Variants in ERC1 observed in about 807,000 individuals in gnomAD.
ERC1 encodes RAB6 interacting protein 2.
Under a neutral mutation model 132.0 loss-of-function variants are expected in ERC1, and 56 were observed. The observed-to-expected ratio is 0.42, with a 90% CI of 0.34 to 0.53. ERC1 has a LOEUF of 0.53. Among genes scored for constraint, ERC1 ranks in the 20% least tolerant of loss-of-function variants. ERC1 has a pLI of 0.03. For missense variants in ERC1, 1,202 were observed against 1,349.9 expected (o/e 0.89, Z 1.72); for synonymous variants, 478 against 476.1 (o/e 1.00, Z -0.05).
At chr12:1,410,838 A>G (rs1401012643) in intron 17 of ERC1, among the ~76,000 whole-genome samples, 1 of 152,022 alleles carries the variant, frequency 6.6e-6, no homozygotes, top group Non-Finnish European at 1.5e-5. Context: ...TAGAAAATTG[A>G]TCAAGTACTT....
intron 15 of ERC1, among the ~76,000 whole-genome samples, chr12:1,352,619 A>C (rs1032628360): frequency 6.6e-6 from 1 of 151,428 alleles, no homozygotes; most frequent in Non-Finnish European, 1.5e-5. Flanking sequence ...AACCCCCCAC[A>C]CACACAAATA....
intron 16 of ERC1, among the ~76,000 whole-genome samples, chr12:1,401,418 A>G (rs1784559298): frequency 6.6e-6 from 1 of 152,132 alleles, no homozygotes; most frequent in South Asian, 2.1e-4. Context: ...CTGAAGGAGG[A>G]CATGGATGTA....
chr12:1,114,448 A>G (rs1308823211), intron 6 of ERC1, among the ~76,000 whole-genome samples: 1 of 151,964 alleles, frequency 6.6e-6, no homozygotes, highest in Non-Finnish European at 1.5e-5. Flanking sequence ...ATTTTTGACC[A>G]CGTGATTGGA....
At chr12:1,026,848 T>C (rs1335206551) in intron 1 of ERC1, among the ~76,000 whole-genome samples, 2 of 152,240 alleles carry the variant, frequency 1.3e-5, no homozygotes, top group East Asian at 3.8e-4. Context: ...CTTGTATCTT[T>C]ACTCTCCATT....
At chr12:1,439,700 A>G (rs2093048498) in intron 17 of ERC1, among the ~76,000 whole-genome samples, 1 of 152,184 alleles carries the variant, frequency 6.6e-6, no homozygotes, top group African/African-American at 2.4e-5. Flanking sequence ...GCCTGACCAC[A>G]TATCTGATGA....
chr12:1,121,001 T>A (rs1763414150), intron 7 of ERC1, among the ~76,000 whole-genome samples: 1 of 152,200 alleles, frequency 6.6e-6, no homozygotes, highest in South Asian at 2.1e-4. Context: ...TAGAGGGCAT[T>A]TTTAGAGATC....
intron 15 of ERC1, among the ~76,000 whole-genome samples, chr12:1,354,580 A>C (rs1265516303): frequency 1.3e-5 from 2 of 152,024 alleles, no homozygotes; most frequent in Non-Finnish European, 2.9e-5. Context: ...TATAGTAATC[A>C]TGCTGGCAAT....
chr12:1,459,040 A>C (rs1471666137), intron 18 of ERC1, among the ~76,000 whole-genome samples: 1 of 152,266 alleles, frequency 6.6e-6, no homozygotes, highest in Admixed American at 6.5e-5. Context: ...GGATGTATCA[A>C]AACAACATGG....
chr12:1,060,592 G>A (rs1973826017), intron 2 of ERC1, among the ~76,000 whole-genome samples: 1 of 152,136 alleles, frequency 6.6e-6, no homozygotes, highest in Non-Finnish European at 1.5e-5. Context: ...AAATGAGGAA[G>A]AAGCAAAAGC....
intron 15 of ERC1, among the ~76,000 whole-genome samples, chr12:1,369,233 G>T (rs960027231): frequency 4.6e-5 from 7 of 152,196 alleles, no homozygotes; most frequent in African/African-American, 1.2e-4. Flanking sequence ...ATTGTGATTT[G>T]CAAAGTTGAC....
intron 16 of ERC1, among the ~76,000 whole-genome samples, chr12:1,394,165 C>T (rs942811023): frequency 7.9e-5 from 12 of 151,878 alleles, no homozygotes; most frequent in Admixed American, 1.3e-4. Context: ...CTTTGGGAGG[C>T]CAAGGCGGGC....
chr12:1,064,572 T>C (rs1938710593), intron 2 of ERC1, among the ~76,000 whole-genome samples: 1 of 152,132 alleles, frequency 6.6e-6, no homozygotes, highest in Non-Finnish European at 1.5e-5. Context: ...TTTTACATTT[T>C]TTGTATAGAT....
At chr12:1,374,296 CAGAA>C (rs926316207) in intron 16 of ERC1, among the ~76,000 whole-genome samples, 7 of 152,158 alleles carry the variant, frequency 4.6e-5, no homozygotes, top group African/African-American at 1.7e-4. Flanking sequence ...TTCCTATTGT[CAGAA>C]AGAGGTGAAG....
chr12:1,451,247 A>G (rs2093419268), intron 18 of ERC1, among the ~76,000 whole-genome samples: 1 of 152,028 alleles, frequency 6.6e-6, no homozygotes, highest in Non-Finnish European at 1.5e-5. Context: ...TATGTTTACC[A>G]TTTTCAAAAA....
intron 17 of ERC1, among the ~76,000 whole-genome samples, chr12:1,423,040 G>A (rs1242439316): frequency 1.3e-5 from 2 of 152,170 alleles, no homozygotes; most frequent in Non-Finnish European, 2.9e-5. Flanking sequence ...CCAATGCCCT[G>A]AGTTCCTACA....
At chr12:1,133,166 TTTG>T (rs985512981) in intron 7 of ERC1, among the ~76,000 whole-genome samples, 8 of 150,554 alleles carry the variant, frequency 5.3e-5, no homozygotes, top group African/African-American at 9.7e-5. Flanking sequence ...CCGGTTTTTT[TTTG>T]TTTGTTTGTT....
chr12:1,214,489 A>G (rs1024721371), intron 12 of ERC1, among the ~76,000 whole-genome samples: 1 of 152,174 alleles, frequency 6.6e-6, no homozygotes, highest in Non-Finnish European at 1.5e-5. Flanking sequence ...ATATAAACAT[A>G]TAACACATAA....
intron 16 of ERC1, among the ~76,000 whole-genome samples, chr12:1,381,607 T>G (rs1264361126): frequency 6.6e-6 from 1 of 152,224 alleles, no homozygotes; most frequent in Non-Finnish European, 1.5e-5. Flanking sequence ...ATATATATAC[T>G]TCTTCCTCTG....
At chr12:1,481,768 C>A (rs2094097113) in intron 18 of ERC1, among the ~76,000 whole-genome samples, 1 of 152,092 alleles carries the variant, frequency 6.6e-6, no homozygotes, top group African/African-American at 2.4e-5. Context: ...TGTAGTCTGC[C>A]TCTGGTTTTT....
Sources: gnomAD v4.1 joint callset for allele counts (sites outside exome capture counted in the v4.1 genomes callset) on GRCh38, gnomAD v4.1.1 for gene constraint, MANE v1.5 for transcripts, NCBI Gene and HGNC (gene_info 2026-07-23, HGNC 2026-07-21) for gene names.